The following KIAA0319 variants were observed in gnomAD, a reference collection of about 807,000 sequenced individuals.
KIAA0319 encodes the protein dyslexia-associated protein KIAA0319.
KIAA0319 carries 83 observed loss-of-function variants against 108.4 expected under a neutral mutation model. The ratio of observed to expected loss-of-function variants is 0.77; its 90% CI spans 0.64 to 0.92. KIAA0319 has a LOEUF of 0.92. KIAA0319 is among the 40% of genes least tolerant of loss of function. The pLI is 0.00. For missense variants in KIAA0319, 1,195 were observed against 1,322.4 expected (o/e 0.90, Z 1.49); for synonymous variants, 484 against 510.4 (o/e 0.95, Z 0.70).
downstream of KIAA0319, among the ~76,000 whole-genome samples, chr6:24,540,698 T>C (rs1371363663): frequency 2.0e-5 from 3 of 151,760 alleles, no homozygotes; most frequent in East Asian, 3.8e-4. Flanking sequence ...TTAATGGAAA[T>C]GCTTATTTTA....
At chr6:24,610,964 C>A (rs4712834) in intron 1 of KIAA0319, among the ~76,000 whole-genome samples, 150,498 of 152,262 alleles carry the variant, frequency 0.99, 74,389 homozygotes, top group East Asian at 1. Flanking sequence ...AATATACTAA[C>A]AAACAAACAA....
chr6:24,622,246 G>A (rs1233968370), intron 1 of KIAA0319, among the ~76,000 whole-genome samples: 1 of 147,660 alleles, frequency 6.8e-6, no homozygotes, highest in East Asian at 2.0e-4. Flanking sequence ...AAGCAGCCAA[G>A]TATCCTGATC....
intron 6 of KIAA0319, 107 bp downstream of exon 6, chr6:24,582,142 T>C: frequency 4.3e-6 from 3 of 702,350 alleles, no homozygotes; most frequent in Non-Finnish European, 7.9e-6. Flanking sequence ...CAAGACTCTG[T>C]CCCCAAAAAG....
At chr6:24,576,669 C>A in intron 9 of KIAA0319, 73 bp from the exon 10 acceptor site, 1 of 1,213,128 alleles carries the variant, frequency 8.2e-7, no homozygotes, top group Non-Finnish European at 1.2e-6. Flanking sequence ...CCTGTAATCC[C>A]AACACTGTGG....
intron 3 of KIAA0319, among the ~76,000 whole-genome samples, chr6:24,594,479 T>A (rs1168367351): frequency 1.3e-5 from 2 of 151,306 alleles, no homozygotes; most frequent in Non-Finnish European, 2.9e-5. Context: ...ATACAAAAAT[T>A]AGCCGGGCAT....
intron 1 of KIAA0319, among the ~76,000 whole-genome samples, chr6:24,603,778 A>G (rs1411525124): frequency 6.6e-6 from 1 of 152,228 alleles, no homozygotes; most frequent in Non-Finnish European, 1.5e-5. Context: ...AATCAAACAC[A>G]TAACATTCTC....
chr6:24,560,182 G>A (rs1762911244), intron 16 of KIAA0319, among the ~76,000 whole-genome samples: 1 of 152,172 alleles, frequency 6.6e-6, no homozygotes, highest in African/African-American at 2.4e-5. Context: ...AAGTTTCTGT[G>A]TAGACATAAG....
chr6:24,602,447 A>T (rs940903286), intron 1 of KIAA0319, among the ~76,000 whole-genome samples: 2 of 152,250 alleles, frequency 1.3e-5, no homozygotes. Flanking sequence ...AGCTATGCAG[A>T]ACCGGGGTCA....
At chr6:24,611,961 G>A (rs1190089855) in intron 1 of KIAA0319, among the ~76,000 whole-genome samples, 7 of 151,890 alleles carry the variant, frequency 4.6e-5, no homozygotes, top group South Asian at 2.1e-4. Context: ...TGAGGCAAGA[G>A]GATCACTTGA....
intron 13 of KIAA0319, among the ~76,000 whole-genome samples, chr6:24,567,688 G>A (rs1260904950): frequency 6.6e-6 from 1 of 152,162 alleles, no homozygotes; most frequent in Non-Finnish European, 1.5e-5. Flanking sequence ...GCAACAGAGT[G>A]AGACCCTGGG....
intron 1 of KIAA0319, among the ~76,000 whole-genome samples, chr6:24,642,294 A>C (rs1428720071): frequency 6.6e-6 from 1 of 152,166 alleles, no homozygotes; most frequent in Non-Finnish European, 1.5e-5. Flanking sequence ...GAAAGAAAGA[A>C]GAAAAGAAAA....
At chr6:24,580,861 C>T in intron 7 of KIAA0319, 65 bp downstream of exon 7, 1 of 1,016,862 alleles carries the variant, frequency 9.8e-7, no homozygotes, top group South Asian at 1.3e-5. Flanking sequence ...GATATAGAGT[C>T]ATCCAGGCAC....
At chr6:24,618,698 A>C (rs960375397) in intron 1 of KIAA0319, among the ~76,000 whole-genome samples, 3 of 152,208 alleles carry the variant, frequency 2.0e-5, no homozygotes, top group African/African-American at 7.2e-5. Flanking sequence ...ACAGAAAAGA[A>C]AGACAAGAGT....
intron 1 of KIAA0319, among the ~76,000 whole-genome samples, chr6:24,635,226 T>A (rs1776047178): frequency 6.6e-6 from 1 of 151,710 alleles, no homozygotes; most frequent in South Asian, 2.1e-4. Context: ...CGCCTCAGCC[T>A]CCTGAGTAGC....
chr6:24,576,550 C>A lies in KIAA0319; in HGVS notation c.1552G>T (p.Ala518Ser). 1 of 1,614,136 alleles carries A rather than the reference C, an allele frequency of 6.2e-7. No homozygotes were observed. Among genetic ancestry groups the A allele is most frequent in the Non-Finnish European group, 8.5e-7 (1 of 1,180,012 alleles). The change falls in exon 10 of 21, where the codon GCC becomes TCC. Residue 518 changes from alanine to serine, a missense_variant. Transcript: ENST00000378214. ...TCCACAGCATTGTTCACTATTAGGG[C>A]TGCAGTTGTAGAGTTAGTGGCTCCG... The part of the protein sequence containing the change: ...SDGATNSTTA[A>S]LIVNNAVDYP...
Position 24,595,914 on chromosome 6 carries a change from A to T in KIAA0319, c.760T>A (p.Ser254Thr). The T allele has an allele frequency of 6.2e-7, 1 of 1,612,606 alleles. No individual in the cohort carries two copies. Among genetic ancestry groups the T allele is most frequent in the Non-Finnish European group, 8.5e-7 (1 of 1,179,222 alleles). The change falls in exon 3 of 21, where the codon TCT becomes ACT. Residue 254 changes from serine to threonine, a missense_variant. Physicochemically the swap from Ser to Thr is moderately conservative, Grantham distance 58. Transcript: ENST00000378214. The stretch of plus-strand genomic sequence containing the variant: ...TTGCTGGATTGTTCCTGGAGCTGAG[A>T]AGCCTTTTCTTTCTCCAACACCTCT... ...SGEVLEKEKA[S>T]QLQEQSSNSS...
intron 1 of KIAA0319, among the ~76,000 whole-genome samples, chr6:24,618,533 G>A (rs56895808): frequency 0.16 from 24,464 of 151,702 alleles, 2,093 homozygotes; most frequent in South Asian, 0.32. Context: ...AGAGTTGCCT[G>A]AGTTGAGGCT....
At chr6:24,543,522 G>C (rs1161009667), downstream of KIAA0319, among the ~76,000 whole-genome samples, 1 of 152,072 alleles carries the variant, frequency 6.6e-6, no homozygotes, top group Non-Finnish European at 1.5e-5. Context: ...CCACCCCCAG[G>C]GCAGAAGCAA....
In KIAA0319 at chr6:24,596,369, A is replaced by G. The variant is rs1210559185; in HGVS notation, c.305T>C (p.Phe102Ser). Residue 102 changes from phenylalanine to serine, a missense_variant, in exon 3 of 21, where the codon TTT (phenylalanine) becomes TCT (serine). Physicochemically the swap from Phe to Ser is radical, Grantham distance 155. Coordinates refer to ENST00000378214, the MANE Select transcript of KIAA0319 (RefSeq NM_014809.4). Reference sequence around the variant, plus strand: ...AGGCCTCTGAACAGGCCGGAGCACAAAAGTGAGATAAGACCTGATGGGGCC... The same window carrying G: ...AGGCCTCTGAACAGGCCGGAGCACAGAAGTGAGATAAGACCTGATGGGGCC... The part of the protein sequence containing the change: ...KMGPIRSYLT[F>S]VLRPVQRPAQ... 1 of 1,614,240 alleles carries G rather than the reference A, an allele frequency of 6.2e-7. No homozygotes were observed.
Sources: allele counts gnomAD v4.1 joint callset (sites outside exome capture counted in the v4.1 genomes callset), GRCh38; gene constraint gnomAD v4.1.1; transcripts MANE v1.5; gene names NCBI Gene and HGNC (gene_info 2026-07-23, HGNC 2026-07-21).